Variants in TRDN observed in about 807,000 individuals in gnomAD.
TRDN encodes triadin in skeletal muscle.
Under a neutral mutation model 149.7 loss-of-function variants are expected in TRDN, and 161 were observed. That is an observed-to-expected ratio of 1.08 (90% CI 0.95 to 1.23). The LOEUF is 1.23. Ranked by LOEUF, TRDN falls within the 50% of genes most tolerant of loss-of-function variation. TRDN has a pLI of 0.00. For missense variants in TRDN, 896 were observed against 823.5 expected (o/e 1.09, Z -1.08); for synonymous variants, 294 against 250.5 (o/e 1.17, Z -1.64).
chr6:123,626,310 C>T (rs1341961435), intron 1 of TRDN, among the ~76,000 whole-genome samples: 7 of 152,006 alleles, frequency 4.6e-5, no homozygotes, highest in East Asian at 3.9e-4. Context: ...GGTGAAACCC[C>T]GTCTCTACAA....
Position 123,377,877 on chromosome 6 carries a change from T to C in TRDN, c.1208A>G (p.His403Arg). The C allele has an allele frequency of 6.5e-7, 1 of 1,539,500 alleles. No homozygotes were observed. Among genetic ancestry groups the C allele is most frequent in the Non-Finnish European group, 8.8e-7 (1 of 1,130,118 alleles). The change falls in exon 17 of 41, where the codon CAT (histidine) becomes CGT (arginine). Residue 403 changes from histidine (H) to arginine (R), a missense_variant. Physicochemically the swap from His to Arg is conservative, Grantham distance 29. Transcript: ENST00000334268. ...KGKKQEKKEK[H>R]VEPAKSPKKE... ...TTAAAAACAGTTACCTGGTTCCACA[T>C]GTTTTTCTTTCTTTTCCTGTTCTGA... is the stretch of plus-strand genomic sequence containing the variant.
At chr6:123,587,534 G>A (rs534601408) in intron 1 of TRDN, among the ~76,000 whole-genome samples, 39 of 152,274 alleles carry the variant, frequency 2.6e-4, no homozygotes, top group Admixed American at 7.2e-4. Context: ...TCTTTCTCAC[G>A]GAGCAAAGAA....
At chr6:123,494,923 G>A (rs559793568) in intron 9 of TRDN, among the ~76,000 whole-genome samples, 4 of 151,866 alleles carry the variant, frequency 2.6e-5, no homozygotes, top group Non-Finnish European at 4.4e-5. Context: ...TAGTAGAGAC[G>A]GGGTTTCACC....
chr6:123,380,422 T>A (rs1781670859), intron 16 of TRDN, among the ~76,000 whole-genome samples: 1 of 152,210 alleles, frequency 6.6e-6, no homozygotes, highest in African/African-American at 2.4e-5. Context: ...TCTGTGCCAG[T>A]ACTCATCAGT....
chr6:123,556,121 TCA>T (rs1192413728), intron 2 of TRDN, among the ~76,000 whole-genome samples: 1 of 152,170 alleles, frequency 6.6e-6, no homozygotes, highest in Non-Finnish European at 1.5e-5. Flanking sequence ...AGAGCACCTT[TCA>T]GATGCTTTTG....
Position 123,366,128 on chromosome 6 carries a change from C to A in TRDN, c.1321+7G>T. ...TTATGACATCTTTATCTTTAAGCTGCATTTACCTTTTTTAATTGAAACCGC... is the reference window on the plus strand; with the variant it reads ...TTATGACATCTTTATCTTTAAGCTGAATTTACCTTTTTTAATTGAAACCGC... On this transcript the variant is annotated splice_region_variant and intron_variant, in intron 20 of 40. Coordinates refer to ENST00000334268, the MANE Select transcript of TRDN (RefSeq NM_006073.4). 6.2e-7 allele frequency: 1 copy of A among 1,609,988 alleles called. No homozygotes were observed. Among genetic ancestry groups the A allele is most frequent in the Non-Finnish European group, 8.5e-7 (1 of 1,176,940 alleles).
chr6:123,517,922 A>T (rs1440901288), intron 5 of TRDN, among the ~76,000 whole-genome samples: 1 of 152,128 alleles, frequency 6.6e-6, no homozygotes, highest in Non-Finnish European at 1.5e-5. Context: ...TGAAATCCTT[A>T]GGGGCTACAT....
intron 1 of TRDN, among the ~76,000 whole-genome samples, chr6:123,585,188 A>G (rs1783396008): frequency 6.7e-6 from 1 of 149,906 alleles, no homozygotes; most frequent in South Asian, 2.2e-4. Flanking sequence ...TTGGATTGGG[A>G]AGAAGGGCAG....
intron 23 of TRDN, among the ~76,000 whole-genome samples, chr6:123,320,410 T>C (rs775804060): frequency 6.6e-6 from 1 of 152,010 alleles, no homozygotes; most frequent in African/African-American, 2.4e-5. Context: ...TACATGATAG[T>C]GCTTAGACTG....
intron 5 of TRDN, among the ~76,000 whole-genome samples, chr6:123,518,361 GAA>G (rs975993978): frequency 6.6e-6 from 1 of 152,086 alleles, no homozygotes; most frequent in African/African-American, 2.4e-5. Flanking sequence ...TAATTAAGCA[GAA>G]AACCAAGAGA....
chr6:123,232,757 A>G (rs1775652762), intron 38 of TRDN, among the ~76,000 whole-genome samples: 1 of 152,076 alleles, frequency 6.6e-6, no homozygotes, highest in Non-Finnish European at 1.5e-5. Flanking sequence ...GGGAGAAGGC[A>G]AACTTTGAAG....
At chr6:123,286,586 C>T (rs554949472) in intron 24 of TRDN, among the ~76,000 whole-genome samples, 25 of 151,950 alleles carry the variant, frequency 1.6e-4, no homozygotes, top group African/African-American at 5.8e-4. Context: ...GTATACTGCT[C>T]GGGTGATAAG....
At chr6:123,538,519 G>A (rs1247757699) in intron 4 of TRDN, among the ~76,000 whole-genome samples, 1 of 151,946 alleles carries the variant, frequency 6.6e-6, no homozygotes, top group Non-Finnish European at 1.5e-5. Flanking sequence ...CATTAATGAA[G>A]ACTATAAAAA....
At chr6:123,454,984 A>C (rs942755247) in intron 10 of TRDN, among the ~76,000 whole-genome samples, 1 of 152,206 alleles carries the variant, frequency 6.6e-6, no homozygotes, top group Non-Finnish European at 1.5e-5. Context: ...TCTCTCCTGC[A>C]ACATGGATAA....
intron 24 of TRDN, among the ~76,000 whole-genome samples, chr6:123,290,507 A>C (rs1231545820): frequency 1.3e-5 from 2 of 152,148 alleles, no homozygotes; most frequent in Non-Finnish European, 2.9e-5. Flanking sequence ...ATTGGCTTTA[A>C]AATGGTTAAA....
Position 123,530,535 on chromosome 6 carries a change from T to C in TRDN, c.455A>G (p.Glu152Gly), listed in dbSNP as rs1299579326. The C allele has an allele frequency of 3.2e-6, 4 of 1,258,424 alleles. No individual in the cohort carries two copies. The highest frequency in any genetic ancestry group is 3.2e-6 in the Non-Finnish European group (3 of 938,624). 78.0% of individuals were successfully genotyped at this position (1,258,424 alleles called of 1,614,324 possible). Residue 152 changes from glutamate to glycine, a missense_variant, in exon 5 of 41, where the codon GAG (glutamate) becomes GGG (glycine). Physicochemically the swap from Glu to Gly is moderately conservative, Grantham distance 98. Coordinates refer to ENST00000334268, the MANE Select transcript of TRDN (RefSeq NM_006073.4). ...EIHKDKTEKQEKPERKIQTKV... is the reference protein window; with the variant it reads ...EIHKDKTEKQGKPERKIQTKV... ...AGTTTGTATTTTCCTTTCAGGTTTCTCTTGTTTTTCAGTCTTATCTTTGTG... is the reference window on the plus strand; with the variant it reads ...AGTTTGTATTTTCCTTTCAGGTTTCCCTTGTTTTTCAGTCTTATCTTTGTG...
chr6:123,352,569 C>G lies in TRDN; in HGVS notation c.1339G>C (p.Glu447Gln). The G allele has an allele frequency of 6.2e-7, 1 of 1,610,240 alleles. No homozygotes were observed. The highest frequency in any genetic ancestry group is 1.7e-5 in the Admixed American group (1 of 59,548). Residue 447 changes from glutamate to glutamine, a missense_variant, in exon 21 of 41, where the codon GAA (glutamate) becomes CAA (glutamine). Physicochemically the swap from Glu to Gln is conservative, Grantham distance 29. Transcript: ENST00000334268. ...SIKKAVPGKK[E>Q]EKTTKTVEQE... ...TCCACTGTCTTGGTTGTTTTCTCTT[C>G]CTTCTTTCCAGGTACAGCTGCAAAA... is the stretch of plus-strand genomic sequence containing the variant.
intron 19 of TRDN, among the ~76,000 whole-genome samples, chr6:123,373,079 A>G (rs1048353594): frequency 3.9e-5 from 6 of 152,064 alleles, no homozygotes; most frequent in African/African-American, 1.4e-4. Context: ...AGTAATCTGA[A>G]AGGTTTTCAT....
chr6:123,285,401 GC>G (rs748904100), intron 24 of TRDN, among the ~76,000 whole-genome samples: 1 of 151,158 alleles, frequency 6.6e-6, no homozygotes, highest in Non-Finnish European at 1.5e-5. Flanking sequence ...CTTACAGATT[GC>G]TTTTGACAAA....
Sources: gnomAD v4.1 joint callset for allele counts (sites outside exome capture counted in the v4.1 genomes callset) on GRCh38, gnomAD v4.1.1 for gene constraint, MANE v1.5 for transcripts, NCBI Gene and HGNC (gene_info 2026-07-23, HGNC 2026-07-21) for gene names.